Variants in NEMF observed in about 807,000 individuals in gnomAD.
The protein encoded by NEMF is nuclear export mediator factor.
Under a neutral mutation model 162.2 loss-of-function variants are expected in NEMF, and 89 were observed. The observed-to-expected ratio is 0.55, with a 90% CI of 0.46 to 0.65. NEMF has a LOEUF of 0.65. Among genes scored for constraint, NEMF ranks in the 30% least tolerant of loss-of-function variants. NEMF has a pLI of 0.00. For missense variants in NEMF, 1,133 were observed against 1,261.9 expected, an observed-to-expected ratio of 0.90 and a Z score of 1.55; for synonymous variants, 421 against 404.5, an observed-to-expected ratio of 1.04 and a Z score of -0.49.
chr14:49,834,027 T>C (rs1892772679), intron 7 of NEMF: 2 of 422,240 alleles, frequency 4.7e-6, no homozygotes, highest in Admixed American at 3.1e-5. Flanking sequence ...TTTAGTATAT[T>C]GCAGAAACTA....
intron 7 of NEMF, chr14:49,834,142 G>A (rs1168548184): frequency 3.4e-6 from 2 of 588,776 alleles, no homozygotes; most frequent in East Asian, 3.4e-5. Context: ...TCAGGCTGGA[G>A]TGCAGCTGTG....
chr14:49,789,157 G>T lies in NEMF; in HGVS notation c.2884C>A (p.His962Asn), dbSNP rs960815339. The T allele has an allele frequency of 1.9e-6, 3 of 1,613,416 alleles. No individual in the cohort carries two copies. The highest frequency in any genetic ancestry group is 2.5e-6 in the Non-Finnish European group (3 of 1,179,682). The change falls in exon 28 of 33, where the codon CAT (histidine) becomes AAT (asparagine). Residue 962 changes from histidine (H) to asparagine (N), a missense_variant. Physicochemically the swap from His to Asn is moderately conservative, Grantham distance 68 (BLOSUM62 1). Transcript: ENST00000298310. ...ELQDFAVDDP[H>N]DDKEEQDLDQ... is the part of the protein sequence containing the mutation. The stretch of plus-strand genomic sequence containing the variant: ...CAAAGTAGCCATACCTTGTCATCAT[G>T]TGGATCATCTACAGCAAAGTCTTGT...
intron 5 of NEMF, chr14:49,839,524 C>G (rs892129048): frequency 3.9e-5 from 6 of 152,228 alleles, no homozygotes; most frequent in Non-Finnish European, 7.3e-5. Flanking sequence ...TGGAATACAG[C>G]TGAAATACAA....
chr14:49,849,931 C>T (rs571149214), intron 3 of NEMF, among the ~76,000 whole-genome samples: 4 of 152,146 alleles, frequency 2.6e-5, no homozygotes, highest in Non-Finnish European at 5.9e-5. Context: ...GAAACACTTA[C>T]CTAATTTGTA....
At chr14:49,828,939 T>A in intron 13 of NEMF, 115 bp downstream of exon 13, 1 of 1,317,682 alleles carries the variant, frequency 7.6e-7, no homozygotes, top group Non-Finnish European at 1.0e-6. Flanking sequence ...CTAAATTAGT[T>A]TTTTCCCTTT....
At chr14:49,834,631 C>T (rs1033140006) in intron 6 of NEMF, among the ~76,000 whole-genome samples, 182 bp from the exon 7 acceptor site, 1 of 152,050 alleles carries the variant, frequency 6.6e-6, no homozygotes, top group Non-Finnish European at 1.5e-5. Context: ...CACAAGCACC[C>T]ACCACCATGC....
At chr14:49,788,556 CTCTTTTTTTTT>C (rs1890289172) in intron 28 of NEMF, among the ~76,000 whole-genome samples, 3 of 63,054 alleles carry the variant, frequency 4.8e-5, no homozygotes, top group African/African-American at 1.7e-4. Context: ...TTTTCTCTCT[CTCTTTTTTTTT>C]TTTTTTTTGA....
At chr14:49,788,986 C>A (rs1890316292) in intron 28 of NEMF, among the ~76,000 whole-genome samples, 160 bp downstream of exon 28, 1 of 152,104 alleles carries the variant, frequency 6.6e-6, no homozygotes, top group Non-Finnish European at 1.5e-5. Flanking sequence ...AGATAAGATA[C>A]TGCAATTTTA....
chr14:49,828,262 TAACA>T (rs1225980795), intron 15 of NEMF, 25 bp downstream of exon 15: 1 of 1,493,652 alleles, frequency 6.7e-7, no homozygotes, highest in Non-Finnish European at 9.3e-7. Flanking sequence ...CACAAACAAC[TAACA>T]TTCACTCTAA....
At chr14:49,785,540 T>C (rs1890131057) in intron 29 of NEMF, 1 of 468,884 alleles carries the variant, frequency 2.1e-6, no homozygotes, top group South Asian at 2.3e-5. Flanking sequence ...CCTAGCATAA[T>C]AAGTAATGAG....
intron 16 of NEMF, among the ~76,000 whole-genome samples, chr14:49,819,836 T>G (rs1285800262): frequency 6.6e-6 from 1 of 152,156 alleles, no homozygotes; most frequent in Non-Finnish European, 1.5e-5. Context: ...TCTAGTCCAG[T>G]GCCCTCCCTT....
chr14:49,826,844 G>C (rs1206336270), intron 15 of NEMF, among the ~76,000 whole-genome samples: 1 of 152,162 alleles, frequency 6.6e-6, no homozygotes, highest in African/African-American at 2.4e-5. Context: ...AAAATAAAGA[G>C]AGATTCAGGG....
intron 3 of NEMF, among the ~76,000 whole-genome samples, chr14:49,851,213 C>CA (rs1893758286): frequency 6.6e-6 from 1 of 151,784 alleles, no homozygotes; most frequent in South Asian, 2.1e-4. Flanking sequence ...CAAAAACGAA[C>CA]AAAAAAACAA....
rs763907641 is a variant in NEMF, at chr14:49,782,324, A to C, written c.*2312T>G. The stretch of plus-strand genomic sequence containing the variant: ...TCTATTCTGTAGTATAAAATGGCCA[A>C]CTGGTGTTCTGGGTGGCTTCAAACT... On this transcript the variant is annotated 3_prime_UTR_variant, in exon 33 of 33. Transcript: ENST00000298310. 5 of 1,316,500 alleles carry C rather than the reference A, an allele frequency of 3.8e-6. No individual in the cohort carries two copies. Among genetic ancestry groups the C allele is most frequent in the South Asian group, 1.2e-5 (1 of 80,172 alleles). The allele number at this position is 1,316,500 out of a possible 1,614,324, so 81.6% of individuals were successfully genotyped here.
intron 16 of NEMF, among the ~76,000 whole-genome samples, chr14:49,820,740 G>A (rs918676165): frequency 2.6e-5 from 4 of 152,044 alleles, no homozygotes; most frequent in African/African-American, 9.7e-5. Flanking sequence ...GCCTCAGCCT[G>A]CCGAGTGCCT....
intron 22 of NEMF, chr14:49,801,619 A>C (rs1384072084): frequency 2.6e-5 from 4 of 152,246 alleles, no homozygotes; most frequent in Admixed American, 2.6e-4. Flanking sequence ...TTACCTGTAA[A>C]GAGGAATGAC....
At chr14:49,812,418 A>C (rs1038695663) in intron 18 of NEMF, among the ~76,000 whole-genome samples, 1 of 150,840 alleles carries the variant, frequency 6.6e-6, no homozygotes. Context: ...GTTCATTTCT[A>C]CTCTAATATT....
chr14:49,802,871 T>G, intron 20 of NEMF, 144 bp from the exon 21 acceptor site: 1 of 654,260 alleles, frequency 1.5e-6, no homozygotes, highest in South Asian at 2.0e-5. Flanking sequence ...ATTTCCCATT[T>G]ATAGAACTGG....
chr14:49,802,071 C>A (rs1408359424), intron 22 of NEMF, among the ~76,000 whole-genome samples: 1 of 151,660 alleles, frequency 6.6e-6, no homozygotes, highest in Non-Finnish European at 1.5e-5. Context: ...AATCCTCCTA[C>A]CTCAGCCTCT....
Sources: allele counts gnomAD v4.1 joint callset (sites outside exome capture counted in the v4.1 genomes callset), GRCh38; gene constraint gnomAD v4.1.1; transcripts MANE v1.5; gene names NCBI Gene and HGNC (gene_info 2026-07-23, HGNC 2026-07-21).